Variants in GPR19 observed in about 807,000 individuals in gnomAD.
GPR19 encodes the protein probable G protein-coupled receptor 19.
A neutral mutation model predicts 28.5 loss-of-function variants in GPR19; 14 were observed. That is an observed-to-expected ratio of 0.49 (90% CI 0.32 to 0.77). The LOEUF is 0.77. Among genes scored for constraint, GPR19 ranks in the 30% least tolerant of loss-of-function variants. The pLI is 0.03. For synonymous variants in GPR19, 173 were observed against 184.1 expected (o/e 0.94, Z 0.49); for missense variants, 409 against 504.1 (o/e 0.81, Z 1.81).
upstream of GPR19, among the ~76,000 whole-genome samples, chr12:12,699,553 G>A (rs1337031333): frequency 2.0e-5 from 3 of 152,210 alleles, no homozygotes; most frequent in Non-Finnish European, 4.4e-5. Context: ...GGAGGCTGAG[G>A]CAGGAATATC....
Position 12,689,287 on chromosome 12 carries a change from A to G in GPR19, c.-179-4780T>C, listed in dbSNP as rs1004610666. Among the ~76,000 whole-genome samples, 5 of 152,292 alleles carry G rather than the reference A, an allele frequency of 3.3e-5. No homozygotes were observed. The East Asian group carries it at 9.6e-4, about 29-fold the overall frequency. On this transcript the variant is annotated intron_variant, in intron 2 of 3. Coordinates refer to ENST00000651487, the MANE Select transcript of GPR19 (RefSeq NM_006143.3). ...ATACCGGGTATTACAATTCAACATG[A>G]TATTTGGCAGGGACATATATTCAAA... is the stretch of plus-strand genomic sequence containing the variant.
intron 3 of GPR19, among the ~76,000 whole-genome samples, chr12:12,676,343 T>C (rs1008124322): frequency 5.9e-5 from 9 of 152,202 alleles, no homozygotes; most frequent in Admixed American, 3.3e-4. Flanking sequence ...TTCAGCTCTA[T>C]GAGCAAAAAG....
the GPR19 span, chr12:12,716,954 C>T: frequency 1.0e-6 from 1 of 985,364 alleles, no homozygotes; most frequent in Non-Finnish European, 1.2e-6. Flanking sequence ...TCCTAGCGAG[C>T]TGCCGGCGAC....
At chr12:12,666,468 C>CA (rs1945780737) in intron 3 of GPR19, among the ~76,000 whole-genome samples, 1 of 152,136 alleles carries the variant, frequency 6.6e-6, no homozygotes, top group South Asian at 2.1e-4. Context: ...GCCTGAGTCC[C>CA]AGCTTCAGGG....
chr12:12,679,595 A>G lies in GPR19; in HGVS notation c.-23+4756T>C, dbSNP rs563388649. On this transcript the variant is annotated intron_variant, in intron 3 of 3. Transcript: ENST00000651487. ...TTTGAACCTAGGAGTTTCAGGCTGCAGTGAGCCATGAGTGTACTACTGCAC... is the reference window on the plus strand; with the variant it reads ...TTTGAACCTAGGAGTTTCAGGCTGCGGTGAGCCATGAGTGTACTACTGCAC... 1.5e-4 allele frequency among the ~76,000 whole-genome samples: 23 copies of G among 151,482 alleles called. No homozygotes were observed. The South Asian group carries it at 4.6e-3, about 30-fold the overall frequency.
intron 3 of GPR19, among the ~76,000 whole-genome samples, chr12:12,666,728 G>C (rs1341318584): frequency 6.6e-6 from 1 of 152,192 alleles, no homozygotes; most frequent in East Asian, 1.9e-4. Context: ...GGATCTGTAA[G>C]GACAGAGAAC....
chr12:12,664,609 C>A (rs1945732373), intron 3 of GPR19, among the ~76,000 whole-genome samples: 1 of 152,006 alleles, frequency 6.6e-6, no homozygotes, highest in Non-Finnish European at 1.5e-5. Flanking sequence ...GTAAGAATAG[C>A]AACCATACAC....
At chr12:12,697,375 CA>C (rs3214421), upstream of GPR19, among the ~76,000 whole-genome samples, 81,246 of 150,886 alleles carry the variant, frequency 0.54, 22,428 homozygotes, top group Admixed American at 0.64. Flanking sequence ...CGTTTGAAAA[CA>C]AAAAAAAAGG....
At chr12:12,705,859 AT>A in the GPR19 span, among the ~76,000 whole-genome samples, 6 of 152,052 alleles carry the variant, frequency 3.9e-5, no homozygotes, top group Admixed American at 2.6e-4. Context: ...CAGTATGATA[AT>A]TTTTTTATGA....
intron 3 of GPR19, among the ~76,000 whole-genome samples, chr12:12,668,679 G>GA (rs10666505): frequency 0.044 from 6,469 of 147,046 alleles, 296 homozygotes; most frequent in African/African-American, 0.12. Flanking sequence ...TGATTTGGTT[G>GA]AAAAAAAAAA....
intron 3 of GPR19, among the ~76,000 whole-genome samples, chr12:12,679,879 AAAT>A (rs1264702148): frequency 6.6e-6 from 1 of 152,210 alleles, no homozygotes; most frequent in Non-Finnish European, 1.5e-5. Context: ...AAATTAGAAT[AAAT>A]AATAACAATA....
chr12:12,693,953 C>CTCG (rs1566167215), intron 2 of GPR19, among the ~76,000 whole-genome samples: 2 of 151,964 alleles, frequency 1.3e-5, no homozygotes, highest in African/African-American at 4.8e-5. Flanking sequence ...CCCCCGCCTC[C>CTCG]GCCTCCCAAA....
chr12:12,717,046 C>G, the GPR19 span: 1 of 1,005,990 alleles, frequency 9.9e-7, no homozygotes. Context: ...GCGGCGAACC[C>G]GCCAACGCAG....
At chr12:12,707,459 C>T in the GPR19 span, among the ~76,000 whole-genome samples, 1 of 152,186 alleles carries the variant, frequency 6.6e-6, no homozygotes, top group Non-Finnish European at 1.5e-5. Context: ...GAGAGTCTGG[C>T]ATCTGGTGAG....
At chr12:12,700,530 G>A (rs1946315614), upstream of GPR19, among the ~76,000 whole-genome samples, 1 of 152,046 alleles carries the variant, frequency 6.6e-6, no homozygotes, top group South Asian at 2.1e-4. Context: ...TTTTTTAATG[G>A]TGCACTAAAA....
At chr12:12,700,454 T>C (rs1946314725), upstream of GPR19, among the ~76,000 whole-genome samples, 1 of 152,154 alleles carries the variant, frequency 6.6e-6, no homozygotes, top group Non-Finnish European at 1.5e-5. Flanking sequence ...CCCAGAACTA[T>C]GTCATATGAC....
chr12:12,716,961 CGACCTTCG>C, the GPR19 span: 1 of 985,340 alleles, frequency 1.0e-6, no homozygotes, highest in Non-Finnish European at 1.2e-6. Flanking sequence ...GAGCTGCCGG[CGACCTTCG>C]CGGTCCTCTG....
chr12:12,676,353 G>A (rs1945930930), intron 3 of GPR19, among the ~76,000 whole-genome samples: 1 of 152,194 alleles, frequency 6.6e-6, no homozygotes, highest in Non-Finnish European at 1.5e-5. Flanking sequence ...TGAGCAAAAA[G>A]TGACAGGTGG....
intron 3 of GPR19, among the ~76,000 whole-genome samples, chr12:12,677,478 T>C (rs1481592040): frequency 1.3e-5 from 2 of 152,062 alleles, no homozygotes; most frequent in Admixed American, 1.3e-4. Context: ...CGTTACACCA[T>C]GTTGGCCAGG....
Sources: allele counts gnomAD v4.1 joint callset (sites outside exome capture counted in the v4.1 genomes callset), GRCh38; gene constraint gnomAD v4.1.1; transcripts MANE v1.5; gene names NCBI Gene and HGNC (gene_info 2026-07-23, HGNC 2026-07-21).